Variants in CDH6 observed in about 807,000 individuals in gnomAD.
The protein encoded by CDH6 is cadherin 6.
Under a neutral mutation model 78.0 loss-of-function variants are expected in CDH6, and 31 were observed. The observed-to-expected ratio is 0.40, with a 90% CI of 0.30 to 0.54. The LOEUF (loss-of-function observed/expected upper bound fraction) is 0.54. Among genes scored for constraint, CDH6 ranks in the 20% least tolerant of loss-of-function variants. The pLI is 0.56. For missense variants in CDH6, 724 were observed against 975.9 expected, an observed-to-expected ratio of 0.74 and a Z score of 3.44; for synonymous variants, 376 against 368.8, an observed-to-expected ratio of 1.02 and a Z score of -0.23.
At chr5:31,293,817 G>T (rs1244262103) in intron 2 of CDH6, 145 bp from the exon 3 acceptor site, 2 of 508,614 alleles carry the variant, frequency 3.9e-6, no homozygotes, top group Non-Finnish European at 6.8e-6. Flanking sequence ...CCATTAAGAG[G>T]TTACGTAAAT....
chr5:31,325,246 T>C lies in CDH6; in HGVS notation c.*1938T>C, dbSNP rs1738596854. ...CGATTTTATAATGGACTGCCCTATA[T>C]AGTAACAAGTATTTCATGCTTGAGC... is the stretch of plus-strand genomic sequence containing the variant. On this transcript the variant is annotated 3_prime_UTR_variant, in exon 12 of 12. Transcript: ENST00000265071. 1 of 230,772 alleles carries C rather than the reference T, an allele frequency of 4.3e-6. No individual in the cohort carries two copies. The highest frequency in any genetic ancestry group is 8.6e-6 in the Non-Finnish European group (1 of 116,496). The allele number at this position is 230,772 out of a possible 1,614,324, so 14.3% of individuals were successfully genotyped here. A position where few individuals can be genotyped will look rare whatever the true frequency, so the allele number is the denominator to read the frequency against.
At chr5:31,320,795 A>G (rs1224413786) in intron 11 of CDH6, among the ~76,000 whole-genome samples, 1 of 152,068 alleles carries the variant, frequency 6.6e-6, no homozygotes, top group African/African-American at 2.4e-5. Flanking sequence ...CTAATCCAAC[A>G]TGGTGAAACC....
intron 2 of CDH6, among the ~76,000 whole-genome samples, chr5:31,284,500 G>A (rs1358792636): frequency 6.6e-6 from 1 of 152,270 alleles, no homozygotes; most frequent in East Asian, 1.9e-4. Flanking sequence ...CGATCACGTG[G>A]TGAGGGAGAA....
intron 2 of CDH6, among the ~76,000 whole-genome samples, chr5:31,270,902 T>C (rs1285317973): frequency 6.6e-6 from 1 of 152,060 alleles, no homozygotes; most frequent in Non-Finnish European, 1.5e-5. Flanking sequence ...AGCTCCCCCC[T>C]GCAATCCAGG....
intron 1 of CDH6, among the ~76,000 whole-genome samples, chr5:31,241,050 G>GA (rs1741589403): frequency 6.6e-6 from 1 of 152,208 alleles, no homozygotes; most frequent in Admixed American, 6.5e-5. Flanking sequence ...CTGGATTGGG[G>GA]AGAGATTGTT....
chr5:31,276,474 G>T (rs1247352669), intron 2 of CDH6, among the ~76,000 whole-genome samples: 4 of 152,144 alleles, frequency 2.6e-5, no homozygotes, highest in Non-Finnish European at 4.4e-5. Flanking sequence ...AAATATTTTA[G>T]GTGAGTTGGT....
Position 31,327,700 on chromosome 5 carries a change from A to G in CDH6, c.*4392A>G, listed in dbSNP as rs1314352652. The G allele has an allele frequency of 4.9e-6, 1 of 204,044 alleles. No homozygotes were observed. Among genetic ancestry groups the G allele is most frequent in the African/African-American group, 2.3e-5 (1 of 43,730 alleles). 12.6% of individuals were successfully genotyped at this position (204,044 alleles called of 1,614,324 possible). On this transcript the variant is annotated 3_prime_UTR_variant, in exon 12 of 12. Coordinates refer to ENST00000265071, the MANE Select transcript of CDH6 (RefSeq NM_004932.4). ...TATATTATGGTCTCCTTAAATGTTTAGTAGCTCTTATGGTCACAGCATTTT... is the reference window on the plus strand; with the variant it reads ...TATATTATGGTCTCCTTAAATGTTTGGTAGCTCTTATGGTCACAGCATTTT...
rs899603018 is a variant in CDH6 at position 31,204,830 on chromosome 5, T to C, written c.-129+10944T>C. ...GTGAAATTTGGACTGCATGTTAAAC[T>C]CCACAATCAAAAAAAAGCAGCTACA... On this transcript the variant is annotated intron_variant, in intron 1 of 11. Transcript: ENST00000265071. Among the ~76,000 whole-genome samples, 59 of 152,192 alleles carry C rather than the reference T, an allele frequency of 3.9e-4. 1 individual carries two copies. The highest frequency in any genetic ancestry group is 1.4e-3 in the African/African-American group (58 of 41,528).
chr5:31,246,828 T>A (rs896863662), intron 1 of CDH6, among the ~76,000 whole-genome samples: 9 of 152,198 alleles, frequency 5.9e-5, no homozygotes, highest in African/African-American at 2.2e-4. Context: ...TAATCTCGGC[T>A]CACTGCAACC....
chr5:31,301,445 T>TA (rs894081050), intron 5 of CDH6, among the ~76,000 whole-genome samples: 13 of 152,168 alleles, frequency 8.5e-5, no homozygotes, highest in Admixed American at 1.3e-4. Flanking sequence ...ATATTTTTTT[T>TA]AAAAAGTGTC....
At chr5:31,215,918 A>G (rs1400667366) in intron 1 of CDH6, among the ~76,000 whole-genome samples, 1 of 152,170 alleles carries the variant, frequency 6.6e-6, no homozygotes, top group Non-Finnish European at 1.5e-5. Flanking sequence ...CAGATGACCT[A>G]AAACCTGTGT....
At position 31,317,707 on chromosome 5, in the gene CDH6, C is replaced by A. The variant is rs1244188866; in HGVS notation, c.1665C>A (p.Gly555=). ...CGGGAATCTTAACTCGGAAAAATGG[C>A]TATAATAGACACGAGATGAGCACCT... The part of the protein sequence containing the change: ...NTAGILTRKN[G]YNRHEMSTYL... The change falls in exon 11 of 12, where the codon GGC becomes GGA. Residue 555 remains glycine (G), a synonymous_variant. Transcript: ENST00000265071. 3 of 1,613,578 alleles carry A rather than the reference C, an allele frequency of 1.9e-6. No individual in the cohort carries two copies. In the South Asian group the frequency reaches 3.3e-5, roughly 18 times the overall value.
At chr5:31,304,921 T>A (rs1044121060) in intron 6 of CDH6, among the ~76,000 whole-genome samples, 3 of 152,156 alleles carry the variant, frequency 2.0e-5, no homozygotes, top group Admixed American at 1.3e-4. Flanking sequence ...AGCCCATACA[T>A]TTTTCAGGGC....
chr5:31,229,050 G>A (rs1226301078), intron 1 of CDH6, among the ~76,000 whole-genome samples: 1 of 152,206 alleles, frequency 6.6e-6, no homozygotes, highest in Non-Finnish European at 1.5e-5. Flanking sequence ...GACACTGACA[G>A]GTCTAATTAC....
chr5:31,313,362 T>C lies in CDH6; in HGVS notation c.1298T>C (p.Ile433Thr), dbSNP rs927543463. 3 of 1,613,298 alleles carry C rather than the reference T, an allele frequency of 1.9e-6. No individual in the cohort carries two copies. The highest frequency in any genetic ancestry group is 2.5e-6 in the Non-Finnish European group (3 of 1,179,246). Residue 433 changes from isoleucine (I) to threonine (T), a missense_variant, in exon 8 of 12, where the codon ATT becomes ACT. By Grantham distance (89) the Ile-to-Thr change is moderately conservative. Transcript: ENST00000265071. ...ACAGATATGGACAGAATATTCAACA[T>C]TGATTCTGGAAATGGTTCGATTTTT... ...RHTDMDRIFN[I>T]DSGNGSIFTS...
chr5:31,199,443 TAC>T (rs199700248), intron 1 of CDH6, among the ~76,000 whole-genome samples: 3 of 5,246 alleles, frequency 5.7e-4, no homozygotes, highest in Admixed American at 3.8e-3. Context: ...TGTGTATATA[TAC>T]ACACACATAT....
intron 1 of CDH6, among the ~76,000 whole-genome samples, chr5:31,239,418 T>A (rs1741537783): frequency 1.3e-5 from 2 of 152,220 alleles, no homozygotes; most frequent in Non-Finnish European, 2.9e-5. Context: ...GCTTACCAAA[T>A]CCGTATTTCT....
chr5:31,302,775 AGAAAGAGAG>A lies in CDH6; in HGVS notation c.999+478_999+486del, dbSNP rs1561065752. On this transcript the variant is annotated intron_variant, in intron 6 of 11. Transcript: ENST00000265071. ...GGAGAAAGAAAGAAAGAAAGAAAGA[AGAAAGAGAG>A]AGAGAGAGAGAGAGAGAAAGAAAGA... 3.1e-4 allele frequency among the ~76,000 whole-genome samples: 28 copies of A among 89,180 alleles called. 1 individual carries two copies. The South Asian group carries it at 6.4e-3, about 20-fold the overall frequency. 58.5% of individuals were successfully genotyped at this position (89,180 alleles called of 152,430 possible).
At chr5:31,225,053 C>T (rs553979069) in intron 1 of CDH6, among the ~76,000 whole-genome samples, 1 of 152,194 alleles carries the variant, frequency 6.6e-6, no homozygotes, top group African/African-American at 2.4e-5. Context: ...CAGGTAGAAG[C>T]CAGGGATGCC....
Sources: allele counts gnomAD v4.1 joint callset (sites outside exome capture counted in the v4.1 genomes callset), GRCh38; gene constraint gnomAD v4.1.1; transcripts MANE v1.5; gene names NCBI Gene and HGNC (gene_info 2026-07-23, HGNC 2026-07-21).